The following MANBA variants were observed in gnomAD, a reference collection of about 807,000 sequenced individuals.
MANBA encodes the protein beta-mannosidase.
Under a neutral mutation model 111.1 loss-of-function variants are expected in MANBA, and 83 were observed. The ratio of observed to expected loss-of-function variants is 0.75; its 90% CI spans 0.63 to 0.90. The LOEUF (loss-of-function observed/expected upper bound fraction) is 0.90, where lower values mean the gene tolerates loss of function less well. MANBA is among the 40% of genes least tolerant of loss of function. MANBA has a pLI of 0.00. For missense variants in MANBA, 1,036 were observed against 1,069.0 expected, an observed-to-expected ratio of 0.97 and a Z score of 0.43; for synonymous variants, 370 against 378.7, an observed-to-expected ratio of 0.98 and a Z score of 0.27.
At chr4:102,707,787 T>C (rs984661503) in intron 5 of MANBA, among the ~76,000 whole-genome samples, 9 of 151,758 alleles carry the variant, frequency 5.9e-5, no homozygotes, top group Admixed American at 3.9e-4. Flanking sequence ...CCTAAAGACA[T>C]ACATGGACTG....
chr4:102,638,313 GT>G (rs1208133008), intron 14 of MANBA, among the ~76,000 whole-genome samples: 1 of 152,018 alleles, frequency 6.6e-6, no homozygotes, highest in African/African-American at 2.4e-5. Flanking sequence ...ATAGACCCAG[GT>G]ACTCAGGAAG....
At chr4:102,704,309 T>C (rs1733197233) in intron 5 of MANBA, among the ~76,000 whole-genome samples, 1 of 152,082 alleles carries the variant, frequency 6.6e-6, no homozygotes, top group African/African-American at 2.4e-5. Flanking sequence ...CTCCGAATAC[T>C]TGGGACTACA....
At chr4:102,646,110 T>C (rs1730090049) in intron 13 of MANBA, among the ~76,000 whole-genome samples, 1 of 152,064 alleles carries the variant, frequency 6.6e-6, no homozygotes, top group African/African-American at 2.4e-5. Context: ...AATGTGAGAA[T>C]TAAATGATAA....
chr4:102,733,164 G>A (rs1054331027), intron 1 of MANBA, among the ~76,000 whole-genome samples: 1 of 152,072 alleles, frequency 6.6e-6, no homozygotes, highest in Non-Finnish European at 1.5e-5. Flanking sequence ...AAAATTACAG[G>A]AGGCCGTTGT....
At chr4:102,711,251 G>T (rs1722051702) in intron 5 of MANBA, among the ~76,000 whole-genome samples, 1 of 152,078 alleles carries the variant, frequency 6.6e-6, no homozygotes, top group Non-Finnish European at 1.5e-5. Flanking sequence ...AATACACAAG[G>T]AACTCAACTG....
chr4:102,673,692 T>C (rs184827609), intron 8 of MANBA, among the ~76,000 whole-genome samples: 63 of 152,310 alleles, frequency 4.1e-4, no homozygotes, highest in Admixed American at 1.1e-3. Context: ...AAAAATCGAA[T>C]GGCTTCAACA....
chr4:102,753,420 A>G (rs11724340), intron 1 of MANBA, among the ~76,000 whole-genome samples: 140 of 152,274 alleles, frequency 9.2e-4, no homozygotes, highest in South Asian at 1.7e-3. Flanking sequence ...TAACCTTTCT[A>G]AAGATTAAAA....
chr4:102,659,631 T>C (rs228617), intron 11 of MANBA, among the ~76,000 whole-genome samples: 75,114 of 151,816 alleles, frequency 0.49, 18,738 homozygotes, highest in South Asian at 0.54. Flanking sequence ...TGATCCCTTG[T>C]AGTCCATCAG....
Position 102,673,907 on chromosome 4 carries a change from AC to A in MANBA, c.1112+11del. ...TTAAAAGAAGAACAAGAAAAGAAAG[AC>A]AATAACTTACAACTCAGAGGTTACT... On this transcript the variant is annotated intron_variant, in intron 8 of 16. Coordinates refer to ENST00000647097, the MANE Select transcript of MANBA (RefSeq NM_005908.4). The A allele has an allele frequency of 6.2e-7, 1 of 1,602,878 alleles. No homozygotes were observed. The highest frequency in any genetic ancestry group is 8.5e-7 in the Non-Finnish European group (1 of 1,169,794).
chr4:102,729,573 C>T, intron 1 of MANBA: 3 of 878,486 alleles, frequency 3.4e-6, no homozygotes, highest in Non-Finnish European at 5.9e-6. Flanking sequence ...AACCTTCATC[C>T]ACATCCTCTT....
chr4:102,673,117 C>T (rs1338319234), intron 8 of MANBA, among the ~76,000 whole-genome samples: 1 of 152,124 alleles, frequency 6.6e-6, no homozygotes, highest in South Asian at 2.1e-4. Flanking sequence ...GTTTCCTCCC[C>T]ACCCTCCCAC....
intron 1 of MANBA, chr4:102,752,618 A>G: frequency 1.7e-6 from 1 of 599,104 alleles, no homozygotes; most frequent in Middle Eastern, 4.7e-4. Context: ...ATATTCACCT[A>G]CCACTTTCCA....
At chr4:102,683,176 GA>G (rs201025626) in intron 7 of MANBA, among the ~76,000 whole-genome samples, 3,825 of 124,676 alleles carry the variant, frequency 0.031, 79 homozygotes, top group South Asian at 0.14. Flanking sequence ...CATTAAAAAA[GA>G]AAAAAAAAAA....
At chr4:102,737,227 G>A (rs1347695579) in intron 1 of MANBA, among the ~76,000 whole-genome samples, 1 of 152,194 alleles carries the variant, frequency 6.6e-6, no homozygotes, top group Non-Finnish European at 1.5e-5. Context: ...GAATCCAGGA[G>A]CTTGGGGGTG....
chr4:102,655,693 A>G (rs1253482010), intron 12 of MANBA, among the ~76,000 whole-genome samples: 1 of 152,226 alleles, frequency 6.6e-6, no homozygotes, highest in African/African-American at 2.4e-5. Context: ...AAACTATAAA[A>G]TTCTTAGAAG....
chr4:102,664,228 T>C (rs1239810757), intron 11 of MANBA, among the ~76,000 whole-genome samples: 4 of 152,172 alleles, frequency 2.6e-5, no homozygotes, highest in African/African-American at 7.2e-5. Context: ...CATGAATCCT[T>C]TCATCTGCTG....
chr4:102,754,241 A>C (rs930677604), intron 1 of MANBA, among the ~76,000 whole-genome samples: 2 of 152,192 alleles, frequency 1.3e-5, no homozygotes, highest in African/African-American at 4.8e-5. Flanking sequence ...GTTTATGAAA[A>C]GCAACTTAGA....
chr4:102,660,284 T>A (rs1490212512), intron 11 of MANBA, among the ~76,000 whole-genome samples: 2 of 152,106 alleles, frequency 1.3e-5, no homozygotes, highest in Non-Finnish European at 2.9e-5. Context: ...TTTTTTTCCA[T>A]CACCGAATTT....
At chr4:102,694,154 C>A (rs551150138) in intron 5 of MANBA, among the ~76,000 whole-genome samples, 12 of 152,238 alleles carry the variant, frequency 7.9e-5, no homozygotes, top group Admixed American at 2.6e-4. Flanking sequence ...TCGAGCAAGT[C>A]CGCACTCCTC....
Sources: gnomAD v4.1 joint callset for allele counts (sites outside exome capture counted in the v4.1 genomes callset) on GRCh38, gnomAD v4.1.1 for gene constraint, MANE v1.5 for transcripts, NCBI Gene and HGNC (gene_info 2026-07-23, HGNC 2026-07-21) for gene names.